ARHGAP6: variants seen among roughly 807,000 people sequenced by gnomAD.
ARHGAP6 encodes the protein rho GTPase-activating protein 6.
In ARHGAP6, 16 loss-of-function variants were observed where a neutral mutation model predicts 55.7. That is an observed-to-expected ratio of 0.29 (90% confidence interval 0.19 to 0.44). ARHGAP6 has a LOEUF of 0.44. ARHGAP6 is among the 20% of genes least tolerant of loss of function. The pLI is 1.00. For missense variants in ARHGAP6, 698 were observed against 808.9 expected, an observed-to-expected ratio of 0.86 and a Z score of 1.66; for synonymous variants, 382 against 360.9, an observed-to-expected ratio of 1.06 and a Z score of -0.66.
intron 1 of ARHGAP6, among the ~76,000 whole-genome samples, chrX:11,649,513 C>T (rs778874430): frequency 9.8e-5 from 11 of 111,692 alleles, no homozygotes; most frequent in Non-Finnish European, 1.9e-4. Flanking sequence ...ATTACAACTT[C>T]CAAGATACAG....
intron 1 of ARHGAP6, chrX:11,335,857 G>A (rs1169554476): frequency 4.6e-6 from 1 of 217,348 alleles, no homozygotes; most frequent in Non-Finnish European, 8.4e-6. Flanking sequence ...CTAGGTAAAA[G>A]GTGGCAGCGA....
intron 1 of ARHGAP6, among the ~76,000 whole-genome samples, chrX:11,462,159 C>T (rs753818787): frequency 4.5e-5 from 5 of 111,816 alleles, no homozygotes; most frequent in Non-Finnish European, 5.6e-5. Context: ...TTTTAATGCA[C>T]GGTAGGCTGC....
intron 1 of ARHGAP6, among the ~76,000 whole-genome samples, chrX:11,621,474 G>GA (rs143005872): frequency 2.7e-4 from 30 of 109,776 alleles, no homozygotes; most frequent in African/African-American, 9.2e-4. Flanking sequence ...AATAAGATTT[G>GA]AAAAAAAATG....
chrX:11,416,920 C>T (rs1035750662), intron 1 of ARHGAP6, among the ~76,000 whole-genome samples: 7 of 106,805 alleles, frequency 6.6e-5, no homozygotes, highest in African/African-American at 2.1e-4. Flanking sequence ...GCCGCATTTA[C>T]GCAGGAGATA....
intron 1 of ARHGAP6, among the ~76,000 whole-genome samples, chrX:11,567,566 A>AAAAAAAAAATATATATATAT (rs1440758737): frequency 1.2e-5 from 1 of 84,403 alleles, no homozygotes; most frequent in Non-Finnish European, 2.3e-5. Flanking sequence ...AAAAAAAAAA[A>AAAAAAAAAATATATATATAT]ATATATATAT....
At chrX:11,631,972 GT>G (rs1167359690) in intron 1 of ARHGAP6, among the ~76,000 whole-genome samples, 4 of 112,055 alleles carry the variant, frequency 3.6e-5, no homozygotes, top group African/African-American at 1.3e-4. Context: ...ATGGGCCATA[GT>G]TTACTGACCC....
chrX:11,634,909 C>G (rs1389878513), intron 1 of ARHGAP6, among the ~76,000 whole-genome samples: 1 of 112,030 alleles, frequency 8.9e-6, no homozygotes, highest in African/African-American at 3.2e-5. Context: ...CAAGGTGTCA[C>G]TGAAGTGGGG....
At chrX:11,271,113 T>C (rs189625695) in intron 1 of ARHGAP6, among the ~76,000 whole-genome samples, 24 of 111,907 alleles carry the variant, frequency 2.1e-4, no homozygotes, top group African/African-American at 7.8e-4. Context: ...GCACTCATTC[T>C]AGGTAAGATG....
chrX:11,650,189 G>T (rs750880468), intron 1 of ARHGAP6, among the ~76,000 whole-genome samples: 25 of 109,725 alleles, frequency 2.3e-4, no homozygotes, highest in Non-Finnish European at 1.3e-4. Context: ...TAGATATGGG[G>T]TCTCACTATG....
At chrX:11,157,002 T>TA (rs1178376100) in intron 9 of ARHGAP6, among the ~76,000 whole-genome samples, 1 of 112,597 alleles carries the variant, frequency 8.9e-6, no homozygotes, top group Non-Finnish European at 1.9e-5. Context: ...TTCACATTTA[T>TA]AATTATGCCA....
At chrX:11,567,583 G>A (rs1301519603) in intron 1 of ARHGAP6, among the ~76,000 whole-genome samples, 1 of 95,655 alleles carries the variant, frequency 1.0e-5, no homozygotes, top group Admixed American at 1.1e-4. Context: ...ATATATATTT[G>A]CCTCAGAGTT....
chrX:11,269,930 A>G (rs930734657), intron 1 of ARHGAP6, among the ~76,000 whole-genome samples: 1 of 112,037 alleles, frequency 8.9e-6, no homozygotes, highest in Non-Finnish European at 1.9e-5. Flanking sequence ...TCTAAACTCT[A>G]CCATCAAAGC....
intron 1 of ARHGAP6, among the ~76,000 whole-genome samples, chrX:11,517,806 C>T (rs2050859908): frequency 9.1e-6 from 1 of 109,824 alleles, no homozygotes; most frequent in Admixed American, 9.8e-5. Flanking sequence ...ACAACACACA[C>T]TGGGGCCTGT....
chrX:11,230,633 G>GTT (rs1182424450), intron 2 of ARHGAP6, among the ~76,000 whole-genome samples: 1 of 109,575 alleles, frequency 9.1e-6, no homozygotes, highest in Non-Finnish European at 1.9e-5. Context: ...GTGTGTGTGT[G>GTT]TGTGTGTATA....
At chrX:11,655,515 C>T (rs1440933989) in intron 1 of ARHGAP6, among the ~76,000 whole-genome samples, 2 of 112,021 alleles carry the variant, frequency 1.8e-5, no homozygotes, top group African/African-American at 3.2e-5. Context: ...ATGAGAGTTC[C>T]GATTTTTCTA....
chrX:11,222,212 C>T (rs1336627606), intron 2 of ARHGAP6, among the ~76,000 whole-genome samples: 1 of 111,629 alleles, frequency 9.0e-6, no homozygotes, highest in African/African-American at 3.3e-5. Flanking sequence ...GTTATAGGAC[C>T]ATTTATTCAA....
intron 2 of ARHGAP6, among the ~76,000 whole-genome samples, chrX:11,228,265 T>C (rs2047082756): frequency 8.9e-6 from 1 of 112,316 alleles, no homozygotes; most frequent in Non-Finnish European, 1.9e-5. Context: ...CATCAAGCCA[T>C]TTTATTCAAG....
chrX:11,268,839 G>T (rs1161874678), intron 1 of ARHGAP6, among the ~76,000 whole-genome samples: 1 of 111,436 alleles, frequency 9.0e-6, no homozygotes, highest in Non-Finnish European at 1.9e-5. Context: ...AGCCCATTCT[G>T]GACCTGAGAC....
intron 1 of ARHGAP6, among the ~76,000 whole-genome samples, chrX:11,630,251 A>C (rs1179725673): frequency 1.8e-5 from 2 of 112,138 alleles, no homozygotes; most frequent in African/African-American, 6.5e-5. Flanking sequence ...GTTAAAAAGA[A>C]AAGATGCAGT....
Sources: gnomAD v4.1 joint callset for allele counts (sites outside exome capture counted in the v4.1 genomes callset) on GRCh38, gnomAD v4.1.1 for gene constraint, MANE v1.5 for transcripts, NCBI Gene and HGNC (gene_info 2026-07-23, HGNC 2026-07-21) for gene names.